The following UBE4B variants were observed in gnomAD, a reference collection of about 807,000 sequenced individuals.
UBE4B encodes the protein ubiquitin conjugation factor E4 B.
Under a neutral mutation model 148.1 loss-of-function variants are expected in UBE4B, and 27 were observed. The observed-to-expected ratio is 0.18, with a 90% CI of 0.13 to 0.25. UBE4B has a LOEUF of 0.25. Among genes scored for constraint, UBE4B ranks in the 10% least tolerant of loss-of-function variants. The pLI is 1.00. For synonymous variants in UBE4B, 596 were observed against 619.3 expected (o/e 0.96, Z 0.56); for missense variants, 1,170 against 1,662.4 (o/e 0.70, Z 5.15).
chr1:10,169,972 G>A (rs775689518), intron 24 of UBE4B, among the ~76,000 whole-genome samples: 6 of 152,126 alleles, frequency 3.9e-5, no homozygotes. Flanking sequence ...CCGAGATCAC[G>A]CCACTCCAAC....
intron 1 of UBE4B, among the ~76,000 whole-genome samples, chr1:10,059,884 GCTT>G (rs1274281970): frequency 6.6e-6 from 1 of 152,146 alleles, no homozygotes; most frequent in East Asian, 1.9e-4. Flanking sequence ...CCAAGGGAAG[GCTT>G]CTTCTACCCA....
Position 10,130,707 on chromosome 1 carries a change from C to T in UBE4B, c.1813-8C>T. 1 of 1,613,940 alleles carries T rather than the reference C, an allele frequency of 6.2e-7. No homozygotes were observed. On this transcript the variant is annotated splice_region_variant and splice_polypyrimidine_tract_variant and intron_variant, in intron 13 of 27. Coordinates refer to ENST00000343090, the MANE Select transcript of UBE4B (RefSeq NM_001105562.3). ...TATGTTGACTGCATTTTTTCCTTCT[C>T]TTTCCAGGTTAAAGTGGTTGAAAAA...
chr1:10,144,733 TAA>T (rs765648505), intron 17 of UBE4B, among the ~76,000 whole-genome samples: 34 of 135,984 alleles, frequency 2.5e-4, no homozygotes, highest in Non-Finnish European at 2.0e-4. Flanking sequence ...GACTCTGTCT[TAA>T]AAAAAAAAAA....
At position 10,161,372 on chromosome 1, in the gene UBE4B, G is replaced by A; in HGVS notation, c.3198+86G>A. On this transcript the variant is annotated intron_variant, in intron 23 of 27. Transcript: ENST00000343090. The surrounding 1 kb of genome is among the most constrained non-coding windows in gnomAD (Gnocchi z 4.1). The stretch of plus-strand genomic sequence containing the variant: ...AGAGCTGCTTTGGGGCTGCATTTGT[G>A]GGTCTGATGATATGCGATCTGACAT... The A allele has an allele frequency of 2.0e-6, 3 of 1,492,400 alleles. No homozygotes were observed. Among genetic ancestry groups the A allele is most frequent in the Non-Finnish European group, 2.7e-6 (3 of 1,102,982 alleles). 92.4% of individuals were successfully genotyped at this position (1,492,400 alleles called of 1,614,324 possible).
rs975512662 is a variant in UBE4B at position 10,033,377 on chromosome 1, G to A, written c.-294G>A. 6 of 314,670 alleles carry A rather than the reference G, an allele frequency of 1.9e-5. No homozygotes were observed. Among genetic ancestry groups the A allele is most frequent in the African/African-American group, 6.4e-5 (3 of 46,770 alleles). 19.5% of individuals were successfully genotyped at this position (314,670 alleles called of 1,614,324 possible). A position where few individuals can be genotyped will look rare whatever the true frequency, so the allele number is the denominator to read the frequency against. Reference sequence around the variant, plus strand: ...TAGCTGGGTAACCTGGGAAGCAGAGGGTAATAAGTGGCGCCTTAAGACAAC... The same window carrying A: ...TAGCTGGGTAACCTGGGAAGCAGAGAGTAATAAGTGGCGCCTTAAGACAAC... On this transcript the variant is annotated 5_prime_UTR_variant, in exon 1 of 28. Coordinates refer to ENST00000343090, the MANE Select transcript of UBE4B (RefSeq NM_001105562.3).
intron 1 of UBE4B, chr1:10,054,739 G>C: frequency 4.4e-6 from 1 of 226,124 alleles, no homozygotes; most frequent in Non-Finnish European, 8.9e-6. Flanking sequence ...CATTTTTTTT[G>C]GAACAGTACC....
intron 3 of UBE4B, among the ~76,000 whole-genome samples, chr1:10,099,664 A>G (rs1644978787): frequency 6.6e-6 from 1 of 152,148 alleles, no homozygotes; most frequent in Non-Finnish European, 1.5e-5. Flanking sequence ...GGATAGCAAA[A>G]CCTCTTAAAG....
In UBE4B at chr1:10,126,779, T is replaced by G; in HGVS notation, c.1555-15T>G. On this transcript the variant is annotated splice_polypyrimidine_tract_variant and intron_variant, in intron 10 of 27. Coordinates refer to ENST00000343090, the MANE Select transcript of UBE4B (RefSeq NM_001105562.3). ...TCTTAAACTTATATTTCTGATTTTGTTTTTTTTCTTATAGATATTTATCCC... is the reference window on the plus strand; with the variant it reads ...TCTTAAACTTATATTTCTGATTTTGGTTTTTTTCTTATAGATATTTATCCC... The G allele has an allele frequency of 6.2e-7, 1 of 1,604,510 alleles. No individual in the cohort carries two copies. The highest frequency in any genetic ancestry group is 8.5e-7 in the Non-Finnish European group (1 of 1,171,894).
intron 1 of UBE4B, among the ~76,000 whole-genome samples, chr1:10,049,494 CT>C (rs1643986545): frequency 6.6e-6 from 1 of 152,092 alleles, no homozygotes; most frequent in East Asian, 1.9e-4. Context: ...CCTGCAATCC[CT>C]GCTACTTGGG....
At chr1:10,047,355 T>C (rs1185567223) in intron 1 of UBE4B, among the ~76,000 whole-genome samples, 5 of 152,178 alleles carry the variant, frequency 3.3e-5, no homozygotes, top group African/African-American at 4.8e-5. Context: ...ACTGTCATCC[T>C]CTAGCTTATA....
chr1:10,039,217 A>G (rs1643666278), intron 1 of UBE4B, among the ~76,000 whole-genome samples: 1 of 152,124 alleles, frequency 6.6e-6, no homozygotes, highest in Admixed American at 6.6e-5. Flanking sequence ...AAACATGAGA[A>G]GGGACCCCGG....
At chr1:10,084,753 AGTGGTGC>A (rs1476328407) in intron 2 of UBE4B, among the ~76,000 whole-genome samples, 6 of 147,084 alleles carry the variant, frequency 4.1e-5, no homozygotes, top group African/African-American at 1.5e-4. Flanking sequence ...GCTGGAGTGC[AGTGGTGC>A]GATCTTGGCT....
At chr1:10,085,734 A>G (rs1644754495) in intron 2 of UBE4B, among the ~76,000 whole-genome samples, 1 of 152,190 alleles carries the variant, frequency 6.6e-6, no homozygotes, top group Non-Finnish European at 1.5e-5. Context: ...AACAGCGTGC[A>G]TTTGATGCAG....
chr1:10,102,908 T>C (rs1645039130), intron 4 of UBE4B, 40 bp from the exon 5 acceptor site: 2 of 1,575,842 alleles, frequency 1.3e-6, no homozygotes, highest in African/African-American at 2.7e-5. Context: ...AACTCATACC[T>C]CTTATTTGAA....
chr1:10,109,205 C>CG (rs1346107247), intron 7 of UBE4B, among the ~76,000 whole-genome samples: 2 of 149,424 alleles, frequency 1.3e-5, no homozygotes, highest in Non-Finnish European at 3.0e-5. Context: ...GCAGGGGGAA[C>CG]GGGGGGGCCG....
intron 14 of UBE4B, among the ~76,000 whole-genome samples, chr1:10,131,197 C>T (rs1260631424): frequency 1.3e-5 from 2 of 152,220 alleles, no homozygotes; most frequent in East Asian, 3.8e-4. Flanking sequence ...CAGAGAAGGG[C>T]CGGGTGTGAT....
intron 3 of UBE4B, among the ~76,000 whole-genome samples, chr1:10,097,487 A>C (rs990521181): frequency 7.9e-5 from 12 of 152,156 alleles, no homozygotes; most frequent in Non-Finnish European, 1.3e-4. Context: ...ATTTTAAAAA[A>C]TCAGGCCAGG....
At chr1:10,144,552 A>C (rs757021298) in intron 17 of UBE4B, among the ~76,000 whole-genome samples, 4 of 152,002 alleles carry the variant, frequency 2.6e-5, no homozygotes, top group African/African-American at 7.2e-5. Context: ...TGCCCAACAT[A>C]GTGAAACCTC....
intron 22 of UBE4B, among the ~76,000 whole-genome samples, chr1:10,159,995 C>T (rs1028224577): frequency 6.6e-6 from 1 of 152,196 alleles, no homozygotes; most frequent in Non-Finnish European, 1.5e-5. Flanking sequence ...TTCCTGAGAT[C>T]GAGGCCTCCT....
Sources: gnomAD v4.1 joint callset for allele counts (sites outside exome capture counted in the v4.1 genomes callset) on GRCh38, gnomAD v4.1.1 for gene constraint, Gnocchi (gnomAD v3.1) non-coding constraint, MANE v1.5 for transcripts, NCBI Gene and HGNC (gene_info 2026-07-23, HGNC 2026-07-21) for gene names.